Variants in PPARGC1A observed in about 807,000 individuals in gnomAD.
PPARGC1A encodes the protein peroxisome proliferator-activated receptor gamma coactivator 1-alpha.
Under a neutral mutation model 88.7 loss-of-function variants are expected in PPARGC1A, and 25 were observed. The observed-to-expected ratio is 0.28, with a 90% confidence interval of 0.21 to 0.39. The LOEUF (loss-of-function observed/expected upper bound fraction) is 0.39. Ranked by LOEUF, PPARGC1A falls within the 10% of genes least tolerant of loss-of-function variation. The pLI is 1.00. For missense variants in PPARGC1A, 880 were observed against 968.7 expected, an observed-to-expected ratio of 0.91 and a Z score of 1.22; for synonymous variants, 363 against 355.6, an observed-to-expected ratio of 1.02 and a Z score of -0.24.
the PPARGC1A span, among the ~76,000 whole-genome samples, chr4:24,464,928 A>G: frequency 1.3e-5 from 2 of 152,180 alleles, no homozygotes; most frequent in Non-Finnish European, 2.9e-5. Flanking sequence ...CCTCTGCTTC[A>G]GCAACTACAC....
At chr4:24,470,562 C>T in the PPARGC1A span, among the ~76,000 whole-genome samples, 3 of 151,992 alleles carry the variant, frequency 2.0e-5, no homozygotes, top group African/African-American at 4.8e-5. This position sits in a 1 kb window ranked among gnomAD's most constrained non-coding sequence, Gnocchi z 5.8. Flanking sequence ...AGCGCCGGCC[C>T]GACCACCTCA....
At chr4:24,247,669 G>A in the PPARGC1A span, among the ~76,000 whole-genome samples, 1 of 152,196 alleles carries the variant, frequency 6.6e-6, no homozygotes, top group Admixed American at 6.5e-5. Context: ...TAGTTGCCAG[G>A]ATTGGCTGGG....
chr4:24,418,975 TA>T, the PPARGC1A span, among the ~76,000 whole-genome samples: 1 of 152,202 alleles, frequency 6.6e-6, no homozygotes, highest in African/African-American at 2.4e-5. Flanking sequence ...ACACTCTTAG[TA>T]GATTCTTTGT....
At chr4:23,841,117 G>A (rs1251908780) in intron 2 of PPARGC1A, among the ~76,000 whole-genome samples, 2 of 152,092 alleles carry the variant, frequency 1.3e-5, no homozygotes. Context: ...CTGTTGTCTG[G>A]AAGGATACTG....
the PPARGC1A span, among the ~76,000 whole-genome samples, chr4:23,958,404 C>T: frequency 2.0e-5 from 3 of 151,962 alleles, no homozygotes; most frequent in Non-Finnish European, 2.9e-5. Flanking sequence ...TCAGATGTAC[C>T]ACAAATTCAT....
chr4:24,131,514 A>G, the PPARGC1A span, among the ~76,000 whole-genome samples: 1 of 152,222 alleles, frequency 6.6e-6, no homozygotes. Flanking sequence ...ATACTGTAAG[A>G]AACTTTATAC....
the PPARGC1A span, among the ~76,000 whole-genome samples, chr4:24,233,585 TACACACACAC>T: frequency 0.35 from 52,502 of 149,134 alleles, 9,402 homozygotes; most frequent in Non-Finnish European, 0.4. Flanking sequence ...CACAAACACA[TACACACACAC>T]ACACACACAC....
the PPARGC1A span, among the ~76,000 whole-genome samples, chr4:24,015,546 C>T: frequency 1.3e-5 from 2 of 152,158 alleles, no homozygotes; most frequent in Admixed American, 1.3e-4. Context: ...CTAGATCTGG[C>T]TTTTATTTCT....
the PPARGC1A span, among the ~76,000 whole-genome samples, chr4:24,414,620 C>G: frequency 6.6e-6 from 1 of 152,176 alleles, no homozygotes; most frequent in Non-Finnish European, 1.5e-5. Context: ...CAACCATAGA[C>G]ATTCTGATTT....
chr4:24,275,403 T>A, the PPARGC1A span, among the ~76,000 whole-genome samples: 1 of 152,358 alleles, frequency 6.6e-6, no homozygotes, highest in South Asian at 2.1e-4. Context: ...ATTTATAATC[T>A]AATACCCCAG....
chr4:23,815,785 T>C (rs1577376890), intron 7 of PPARGC1A, among the ~76,000 whole-genome samples: 2 of 152,140 alleles, frequency 1.3e-5, no homozygotes, highest in East Asian at 3.9e-4. Context: ...ATACATTTTC[T>C]GTTTAGGAGG....
the PPARGC1A span, among the ~76,000 whole-genome samples, chr4:24,042,599 A>G: frequency 6.6e-6 from 1 of 152,252 alleles, no homozygotes; most frequent in African/African-American, 2.4e-5. Flanking sequence ...GAGCCAATGC[A>G]ATAGATACCG....
chr4:24,433,661 T>C, the PPARGC1A span, among the ~76,000 whole-genome samples: 1 of 152,144 alleles, frequency 6.6e-6, no homozygotes, highest in East Asian at 1.9e-4. Flanking sequence ...GACGGGGTAA[T>C]GTGGGATGCT....
chr4:24,271,217 G>A, the PPARGC1A span, among the ~76,000 whole-genome samples: 1 of 152,032 alleles, frequency 6.6e-6, no homozygotes, highest in African/African-American at 2.4e-5. Context: ...GTGCATCATG[G>A]GAACTGGCAG....
chr4:24,229,571 G>A, the PPARGC1A span, among the ~76,000 whole-genome samples: 1 of 151,272 alleles, frequency 6.6e-6, no homozygotes, highest in South Asian at 2.1e-4. Context: ...AGTGGCTCAT[G>A]CCTGTAATCC....
At chr4:24,337,585 A>G in the PPARGC1A span, among the ~76,000 whole-genome samples, 1 of 151,932 alleles carries the variant, frequency 6.6e-6, no homozygotes, top group African/African-American at 2.4e-5. Flanking sequence ...ACCAGTCCCT[A>G]GGTGACATCA....
At chr4:23,991,106 C>T in the PPARGC1A span, among the ~76,000 whole-genome samples, 4 of 151,818 alleles carry the variant, frequency 2.6e-5, 1 homozygote, top group African/African-American at 9.7e-5. Flanking sequence ...GTGGGAAGGC[C>T]CTTCCCAAGT....
the PPARGC1A span, among the ~76,000 whole-genome samples, chr4:23,981,031 T>C: frequency 1.3e-5 from 2 of 152,026 alleles, no homozygotes; most frequent in Non-Finnish European, 1.5e-5. Flanking sequence ...TTCTCCCTTG[T>C]CTCTGAACTC....
chr4:23,907,936 G>A (rs1217158851), upstream of PPARGC1A, among the ~76,000 whole-genome samples: 1 of 152,194 alleles, frequency 6.6e-6, no homozygotes, highest in Admixed American at 6.5e-5. Flanking sequence ...TTGCGCACAT[G>A]GAGAAGGAAG....
Sources: allele counts gnomAD v4.1 joint callset (sites outside exome capture counted in the v4.1 genomes callset), GRCh38; gene constraint gnomAD v4.1.1; non-coding constraint Gnocchi (gnomAD v3.1); transcripts MANE v1.5; gene names NCBI Gene and HGNC (gene_info 2026-07-23, HGNC 2026-07-21).